Variants in IPO4 observed in about 807,000 individuals in gnomAD.
IPO4 encodes the protein importin-4.
In IPO4, 91 loss-of-function variants were observed where a neutral mutation model predicts 133.5. The observed-to-expected ratio is 0.68, with a 90% CI of 0.58 to 0.81. The LOEUF is 0.81. Among genes scored for constraint, IPO4 ranks in the 30% least tolerant of loss-of-function variants. IPO4 has a pLI of 0.00. For synonymous variants in IPO4, 607 were observed against 581.6 expected, an observed-to-expected ratio of 1.04 and a Z score of -0.63; for missense variants, 1,279 against 1,386.2, an observed-to-expected ratio of 0.92 and a Z score of 1.23.
At position 24,187,097 on chromosome 14, in the gene IPO4, G is replaced by A; in HGVS notation, c.642C>T (p.Ile214=). 6.2e-7 allele frequency: 1 copy of A among 1,614,040 alleles called. No homozygotes were observed. The highest frequency in any genetic ancestry group is 8.5e-7 in the Non-Finnish European group (1 of 1,179,938). Residue 214 remains isoleucine (I), a synonymous_variant, in exon 7 of 30, where the codon ATC becomes ATT. Coordinates refer to ENST00000354464, the MANE Select transcript of IPO4 (RefSeq NM_024658.4). The part of the protein sequence containing the change: ...PKLIMAMQTL[I]PIDEAKACEA... ...CACCTGTCCTCACCTCATCTATGGG[G>A]ATCAGAGTCTGCATGGCCATGATCA... is the stretch of plus-strand genomic sequence containing the variant.
intron 9 of IPO4, 23 bp downstream of exon 9, chr14:24,186,685 T>C: frequency 6.3e-7 from 1 of 1,597,834 alleles, no homozygotes; most frequent in Non-Finnish European, 8.6e-7. Context: ...TGGGGTGATG[T>C]GTGTCAATGG....
intron 3 of IPO4, 31 bp downstream of exon 3, chr14:24,188,313 C>A: frequency 6.2e-7 from 1 of 1,613,188 alleles, no homozygotes; most frequent in South Asian, 1.1e-5. Flanking sequence ...AAGTCTCCGC[C>A]TGGCCCCGCC....
rs758866031 is a variant in IPO4, at chr14:24,182,813, C to T, written c.2451G>A (p.Glu817=). 6.2e-7 allele frequency: 1 copy of T among 1,613,892 alleles called. No homozygotes were observed. The highest frequency in any genetic ancestry group is 8.5e-7 in the Non-Finnish European group (1 of 1,179,734). The part of the protein sequence containing the change: ...KTACQDTDEE[E]EEEDDDQAEY... Reference sequence around the variant, plus strand: ...TCACCTGATCATCATCTTCCTCTTCCTCCTCCTCGTCAGTATCCTGACAGG... The same window carrying T: ...TCACCTGATCATCATCTTCCTCTTCTTCCTCCTCGTCAGTATCCTGACAGG... Residue 817 remains glutamate, a synonymous_variant, in exon 24 of 30, where the codon GAG becomes GAA. Transcript: ENST00000354464.
In IPO4 at chr14:24,184,083, C is replaced by T; in HGVS notation, c.1784G>A (p.Gly595Asp). ...GGGCGCCAGGCCCTCACCCATCAGA[C>T]CCGATAAGGCTGCAAATAGGCTGTA... ...CTYSLFAALS[G>D]LMGEGLAPHL... The change falls in exon 18 of 30, where the codon GGT (glycine) becomes GAT (aspartate). Residue 595 changes from glycine (G) to aspartate (D), a missense_variant. Physicochemically the swap from Gly to Asp is moderately conservative, Grantham distance 94 (BLOSUM62 -1). Around this residue, in one of 3 missense-constraint regions of IPO4, gnomAD observed 575 missense variants for 653.4 expected, o/e 0.88. Transcript: ENST00000354464. 1 of 1,612,230 alleles carries T rather than the reference C, an allele frequency of 6.2e-7. No homozygotes were observed. Among genetic ancestry groups the T allele is most frequent in the Non-Finnish European group, 8.5e-7 (1 of 1,179,760 alleles).
At chr14:24,180,629 T>C (rs2273911) in intron 29 of IPO4, 57 bp from the exon 30 acceptor site, 701,220 of 1,611,274 alleles carry the variant, frequency 0.44, 161,012 homozygotes, top group East Asian at 0.79. Flanking sequence ...TGCCCCAGGC[T>C]CTCTGAGCCC....
chr14:24,186,384 G>A lies in IPO4; in HGVS notation c.908C>T (p.Pro303Leu). The A allele has an allele frequency of 6.2e-7, 1 of 1,612,894 alleles. No individual in the cohort carries two copies. Among genetic ancestry groups the A allele is most frequent in the Non-Finnish European group, 8.5e-7 (1 of 1,179,330 alleles). Residue 303 changes from proline (P) to leucine (L), a missense_variant, in exon 10 of 30, where the codon CCC becomes CTC. Around this residue, in one of 3 missense-constraint regions of IPO4, gnomAD observed 695 missense variants for 704.1 expected, o/e 0.99. Transcript: ENST00000354464. ...HTLFPIVAAE[P>L]PPGQLDPEDQ... ...CTCGGGATCCAACTGGCCTGGTGGG[G>A]GCTCAGCAGCCACAATGGGGAAAAG... is the stretch of plus-strand genomic sequence containing the variant.
chr14:24,188,327 C>T lies in IPO4; in HGVS notation c.236+17G>A. On this transcript the variant is annotated intron_variant, in intron 3 of 29. Coordinates refer to ENST00000354464, the MANE Select transcript of IPO4 (RefSeq NM_024658.4). ...AAAGTCTCCGCCTGGCCCCGCCCCACCCCAGGCCCAGCCCACCTCTCCCGT... is the reference window on the plus strand; with the variant it reads ...AAAGTCTCCGCCTGGCCCCGCCCCATCCCAGGCCCAGCCCACCTCTCCCGT... The T allele has an allele frequency of 3.1e-6, 5 of 1,613,306 alleles. No homozygotes were observed. Among genetic ancestry groups the T allele is most frequent in the Non-Finnish European group, 4.2e-6 (5 of 1,179,592 alleles).
In IPO4 at chr14:24,188,353, T is replaced by G. The variant is rs745699521; in HGVS notation, c.227A>C (p.Gln76Pro). 36 of 1,613,504 alleles carry G rather than the reference T, an allele frequency of 2.2e-5. No homozygotes were observed. Among genetic ancestry groups the G allele is most frequent in the Non-Finnish European group, 3.1e-5 (36 of 1,179,896 alleles). The part of the protein sequence containing the change: ...NTRWRRLAAE[Q>P]RESLKSLILT... ...CCCAGGCCCAGCCCACCTCTCCCGT[T>G]GCTCCGCCGCCAGCCGTCGCCAGCG... Residue 76 changes from glutamine to proline, a missense_variant, in exon 3 of 30, where the codon CAA becomes CCA. Physicochemically the swap from Gln to Pro is moderately conservative, Grantham distance 76. Transcript: ENST00000354464.
intron 6 of IPO4, 81 bp from the exon 7 acceptor site, chr14:24,187,231 C>T (rs1012639118): frequency 4.6e-6 from 7 of 1,525,462 alleles, no homozygotes; most frequent in South Asian, 1.1e-5. Flanking sequence ...GCCTGAATTG[C>T]GAGGAGGAGC....
rs1330393020 is a variant in IPO4 at position 24,188,701 on chromosome 14, G to A, written c.69+18C>T. ...GCAACCTCCCGCTCGCCCTGGCCCG[G>A]TTACGCCTGCTCCGTACCCGACGGA... On this transcript the variant is annotated intron_variant, in intron 1 of 29. Coordinates refer to ENST00000354464, the MANE Select transcript of IPO4 (RefSeq NM_024658.4). The A allele has an allele frequency of 3.1e-6, 5 of 1,597,112 alleles. No individual in the cohort carries two copies. The highest frequency in any genetic ancestry group is 4.3e-6 in the Non-Finnish European group (5 of 1,170,868).
Position 24,180,892 on chromosome 14 carries a change from G to A in IPO4, c.3046-134C>T, listed in dbSNP as rs2039126218. 5 of 653,832 alleles carry A rather than the reference G, an allele frequency of 7.6e-6. No individual in the cohort carries two copies. The East Asian group carries it at 1.4e-4, about 18-fold the overall frequency. The allele number at this position is 653,832 out of a possible 1,614,324, so 40.5% of individuals were successfully genotyped here. On this transcript the variant is annotated intron_variant, in intron 28 of 29. Coordinates refer to ENST00000354464, the MANE Select transcript of IPO4 (RefSeq NM_024658.4). Reference sequence around the variant, plus strand: ...CTGGTACTGATTCACAGGCATCCAAGACAACTATGAACATGAGAAGAACCA... The same window carrying A: ...CTGGTACTGATTCACAGGCATCCAAAACAACTATGAACATGAGAAGAACCA...
At chr14:24,185,772 G>T in intron 12 of IPO4, 89 bp downstream of exon 12, 1 of 1,100,192 alleles carries the variant, frequency 9.1e-7, no homozygotes, top group Non-Finnish European at 1.4e-6. Context: ...AAACGCTGTT[G>T]ATAAATAAGC....
At chr14:24,182,637 T>G in intron 24 of IPO4, 155 bp downstream of exon 24, 1 of 990,536 alleles carries the variant, frequency 1.0e-6, no homozygotes, top group South Asian at 1.4e-5. Context: ...GAACTCCCAC[T>G]GGCTTAGTGG....
Position 24,185,564 on chromosome 14 carries a change from C to T in IPO4, c.1173G>A (p.Leu391=). The T allele has an allele frequency of 6.2e-7, 1 of 1,613,640 alleles. No homozygotes were observed. Among genetic ancestry groups the T allele is most frequent in the South Asian group, 1.1e-5 (1 of 91,066 alleles). Residue 391 remains leucine, a synonymous_variant, in exon 13 of 30, where the codon CTG becomes CTA. Coordinates refer to ENST00000354464, the MANE Select transcript of IPO4 (RefSeq NM_024658.4). ...DGAGDHIRQR[L]LPPLLQIVCK... Reference sequence around the variant, plus strand: ...ACACAATCTGCAGCAGTGGGGGCAGCAGTCTGGATGGGGCAAACAAGAGGA... The same window carrying T: ...ACACAATCTGCAGCAGTGGGGGCAGTAGTCTGGATGGGGCAAACAAGAGGA...
intron 28 of IPO4, 127 bp from the exon 29 acceptor site, chr14:24,180,885 C>T (rs1430689317): frequency 4.5e-6 from 3 of 669,684 alleles, no homozygotes; most frequent in Non-Finnish European, 7.5e-6. Flanking sequence ...GATTCACAGG[C>T]ATCCAAGACA....
At chr14:24,186,486 T>A in intron 9 of IPO4, 35 bp from the exon 10 acceptor site, 1 of 1,536,752 alleles carries the variant, frequency 6.5e-7, no homozygotes. Flanking sequence ...TCCCTAAGAA[T>A]CTGCTCCCAG....
Position 24,182,812 on chromosome 14 carries a change from C to T in IPO4, c.2452G>A (p.Glu818Lys), listed in dbSNP as rs1423579391. 1.2e-6 allele frequency: 2 copies of T among 1,613,772 alleles called. No individual in the cohort carries two copies. Among genetic ancestry groups the T allele is most frequent in the African/African-American group, 2.7e-5 (2 of 74,950 alleles). The change falls in exon 24 of 30, where the codon GAA becomes AAA. Residue 818 changes from glutamate (E) to lysine (K), a missense_variant. By Grantham distance (56) the Glu-to-Lys change is moderately conservative (BLOSUM62 1). Around this residue, in one of 3 missense-constraint regions of IPO4, gnomAD observed 575 missense variants for 653.4 expected, o/e 0.88. Transcript: ENST00000354464. The part of the protein sequence containing the change: ...TACQDTDEEE[E>K]EEDDDQAEYD... ...CTCACCTGATCATCATCTTCCTCTT[C>T]CTCCTCCTCGTCAGTATCCTGACAG... is the stretch of plus-strand genomic sequence containing the variant.
intron 28 of IPO4, among the ~76,000 whole-genome samples, chr14:24,181,207 C>G (rs1400434136): frequency 6.6e-6 from 1 of 152,180 alleles, no homozygotes; most frequent in Non-Finnish European, 1.5e-5. Flanking sequence ...TGAAAGGGCC[C>G]CGGTTTAGGA....
Position 24,180,357 on chromosome 14 carries a change from G to T in IPO4, c.*85C>A. 2 of 1,527,740 alleles carry T rather than the reference G, an allele frequency of 1.3e-6. No individual in the cohort carries two copies. The highest frequency in any genetic ancestry group is 2.3e-5 in the East Asian group (1 of 42,768). The allele number at this position is 1,527,740 out of a possible 1,614,324, so 94.6% of individuals were successfully genotyped here. ...AATGGGTATGAGTCTCAGAATCTTT[G>T]GTAAGGCAGAACTGAACTGGGCTGA... On this transcript the variant is annotated 3_prime_UTR_variant, in exon 30 of 30. Transcript: ENST00000354464.
Sources: allele counts gnomAD v4.1 joint callset (sites outside exome capture counted in the v4.1 genomes callset), GRCh38; gene constraint gnomAD v4.1.1; regional missense constraint gnomAD v4.1.1; transcripts MANE v1.5; gene names NCBI Gene and HGNC (gene_info 2026-07-23, HGNC 2026-07-21).